VAMP4: variants seen among roughly 807,000 people sequenced by gnomAD.
The protein encoded by VAMP4 is vesicle associated membrane protein 4.
Under a neutral mutation model 23.5 loss-of-function variants are expected in VAMP4, and 19 were observed. The observed-to-expected ratio is 0.81, with a 90% CI of 0.56 to 1.19. The LOEUF (loss-of-function observed/expected upper bound fraction) is 1.19, where lower values mean the gene tolerates loss of function less well. Ranked by LOEUF, VAMP4 falls within the 50% of genes most tolerant of loss-of-function variation. The pLI, the probability that VAMP4 is intolerant of heterozygous loss-of-function variation, is 0.00. For missense variants in VAMP4, 145 were observed against 168.6 expected, an observed-to-expected ratio of 0.86 and a Z score of 0.78; for synonymous variants, 31 against 51.0, an observed-to-expected ratio of 0.61 and a Z score of 1.67.
intron 4 of VAMP4, among the ~76,000 whole-genome samples, chr1:171,713,435 G>A (rs1291018456): frequency 2.0e-5 from 3 of 151,940 alleles, no homozygotes; most frequent in South Asian, 2.1e-4. Context: ...TATACTATAC[G>A]TACTCTTAGA....
At chr1:171,726,530 T>G (rs1342481450) in intron 3 of VAMP4, among the ~76,000 whole-genome samples, 2 of 152,222 alleles carry the variant, frequency 1.3e-5, no homozygotes, top group Middle Eastern at 3.2e-3. Flanking sequence ...TCAGGTCAAC[T>G]AATTTTTTAT....
chr1:171,721,077 T>C (rs975401386), intron 3 of VAMP4, among the ~76,000 whole-genome samples: 3 of 151,978 alleles, frequency 2.0e-5, no homozygotes, highest in Admixed American at 1.3e-4. Flanking sequence ...AGATACAAAA[T>C]AAATGCTTGA....
intron 2 of VAMP4, among the ~76,000 whole-genome samples, chr1:171,730,906 G>A (rs1032605367): frequency 1.3e-5 from 2 of 152,034 alleles, no homozygotes; most frequent in African/African-American, 2.4e-5. Context: ...GTAAAAAAAT[G>A]AAAGAAGGAT....
At chr1:171,729,455 A>G (rs761458677) in intron 2 of VAMP4, among the ~76,000 whole-genome samples, 4 of 152,192 alleles carry the variant, frequency 2.6e-5, no homozygotes, top group Non-Finnish European at 5.9e-5. Flanking sequence ...ACCTTTGTGC[A>G]TGAAACAAAG....
chr1:171,729,337 T>C (rs529634029), intron 2 of VAMP4, among the ~76,000 whole-genome samples: 4 of 152,306 alleles, frequency 2.6e-5, no homozygotes, highest in African/African-American at 7.2e-5. Context: ...ATCTTGGGGA[T>C]GGGACCGAAG....
chr1:171,731,956 A>C (rs1289044141), intron 2 of VAMP4, among the ~76,000 whole-genome samples: 1 of 152,222 alleles, frequency 6.6e-6, no homozygotes, highest in Non-Finnish European at 1.5e-5. Flanking sequence ...CGAATGTTTA[A>C]ATACCTAATA....
chr1:171,736,168 C>T (rs1033035578), intron 2 of VAMP4, among the ~76,000 whole-genome samples: 5 of 152,020 alleles, frequency 3.3e-5, no homozygotes, highest in South Asian at 2.1e-4. Context: ...ATTACAGGCG[C>T]GAGCCACCAC....
intron 4 of VAMP4, among the ~76,000 whole-genome samples, chr1:171,713,552 G>T (rs1353501773): frequency 6.6e-6 from 1 of 152,068 alleles, no homozygotes; most frequent in East Asian, 1.9e-4. Context: ...CTCTTTAAAG[G>T]CCAGGCCTGG....
chr1:171,713,943 T>C (rs907349009), intron 4 of VAMP4, among the ~76,000 whole-genome samples: 1 of 152,180 alleles, frequency 6.6e-6, no homozygotes, highest in Non-Finnish European at 1.5e-5. Flanking sequence ...CCTACAAGTA[T>C]TCCCTCAACA....
intron 2 of VAMP4, among the ~76,000 whole-genome samples, chr1:171,737,326 ATTTCCCCCAATAAATATGTATT>A (rs1655776210): frequency 6.6e-6 from 1 of 152,194 alleles, no homozygotes; most frequent in Non-Finnish European, 1.5e-5. Flanking sequence ...AACGTGAATT[ATTTCCCCCAATAAATATGTATT>A]GAGTACTTAT....
At chr1:171,732,347 C>T (rs10913559) in intron 2 of VAMP4, among the ~76,000 whole-genome samples, 51,468 of 146,194 alleles carry the variant, frequency 0.35, 9,437 homozygotes, top group African/African-American at 0.47. Flanking sequence ...ATAGCAAGAC[C>T]GTGTCTCTAT....
chr1:171,726,040 C>T (rs1655358723), intron 3 of VAMP4, among the ~76,000 whole-genome samples: 1 of 151,178 alleles, frequency 6.6e-6, no homozygotes, highest in East Asian at 2.0e-4. Flanking sequence ...AACCCAGCCT[C>T]AACAAAAAAA....
At chr1:171,707,205 G>C (rs1654687720) in intron 6 of VAMP4, among the ~76,000 whole-genome samples, 1 of 152,124 alleles carries the variant, frequency 6.6e-6, no homozygotes, top group Non-Finnish European at 1.5e-5. Flanking sequence ...GATATATTAA[G>C]AGAGGTGTTA....
At chr1:171,733,294 C>CAAAAA (rs35176644) in intron 2 of VAMP4, among the ~76,000 whole-genome samples, 4 of 58,112 alleles carry the variant, frequency 6.9e-5, no homozygotes, top group Non-Finnish European at 9.1e-5. Flanking sequence ...CCCATCTCTA[C>CAAAAA]AAAAAAAAAA....
chr1:171,711,490 C>T (rs2124842394), intron 4 of VAMP4, among the ~76,000 whole-genome samples: 1 of 152,202 alleles, frequency 6.6e-6, no homozygotes, highest in Admixed American at 6.5e-5. Context: ...ATTGTTTGTT[C>T]ATCCTTTATA....
At chr1:171,729,618 T>G (rs944979307) in intron 2 of VAMP4, among the ~76,000 whole-genome samples, 1 of 152,168 alleles carries the variant, frequency 6.6e-6, no homozygotes, top group African/African-American at 2.4e-5. Context: ...GGCAGAATAA[T>G]AGCTCCCCAA....
At chr1:171,723,401 A>G (rs1655262904) in intron 3 of VAMP4, among the ~76,000 whole-genome samples, 1 of 151,294 alleles carries the variant, frequency 6.6e-6, no homozygotes, top group African/African-American at 2.5e-5. Flanking sequence ...CCTTATCTGC[A>G]ACATATAAGA....
At chr1:171,714,524 C>G (rs1654963181) in intron 4 of VAMP4, among the ~76,000 whole-genome samples, 1 of 152,206 alleles carries the variant, frequency 6.6e-6, no homozygotes, top group Non-Finnish European at 1.5e-5. Flanking sequence ...GTAATCCCAG[C>G]ACTTTGGGAG....
chr1:171,727,104 A>T (rs1011528138), intron 3 of VAMP4, among the ~76,000 whole-genome samples: 3 of 151,624 alleles, frequency 2.0e-5, no homozygotes, highest in Non-Finnish European at 4.4e-5. Context: ...GTTGGGTGTG[A>T]TGGCACACAC....
Sources: gnomAD v4.1 joint callset for allele counts (sites outside exome capture counted in the v4.1 genomes callset) on GRCh38, gnomAD v4.1.1 for gene constraint, MANE v1.5 for transcripts, NCBI Gene and HGNC (gene_info 2026-07-23, HGNC 2026-07-21) for gene names.